TSC2: variants seen among roughly 807,000 people sequenced by gnomAD.
TSC2 encodes tuberin.
A neutral mutation model predicts 202.2 loss-of-function variants in TSC2; 29 were observed. The observed-to-expected ratio is 0.14, with a 90% confidence interval of 0.11 to 0.20. The LOEUF (loss-of-function observed/expected upper bound fraction) is 0.20. Ranked by LOEUF, TSC2 falls within the 10% of genes least tolerant of loss-of-function variation. TSC2 has a pLI of 1.00. For synonymous variants in TSC2, 1,349 were observed against 1,044.0 expected, an observed-to-expected ratio of 1.29 and a Z score of -5.63; for missense variants, 2,429 against 2,420.0, an observed-to-expected ratio of 1.00 and a Z score of -0.08.
At chr16:2,048,840 G>A (rs2084707214) in intron 2 of TSC2, 87 bp downstream of exon 2, 2 of 1,581,292 alleles carry the variant, frequency 1.3e-6, no homozygotes, top group South Asian at 2.2e-5. Flanking sequence ...TGTGGGAGAC[G>A]GGTTGCTGGC....
In TSC2 at chr16:2,054,448, C is replaced by T. The variant is rs758228838; in HGVS notation, c.481+8C>T. On this transcript the variant is annotated splice_region_variant and intron_variant, in intron 5 of 41. Transcript: ENST00000219476. Reference sequence around the variant, plus strand: ...ACTTGGAGGAAGAGCTGGGTGGGTGCCACCTTGGGTTGGAGGTTTCTCTGG... The same window carrying T: ...ACTTGGAGGAAGAGCTGGGTGGGTGTCACCTTGGGTTGGAGGTTTCTCTGG... 1.7e-5 allele frequency: 27 copies of T among 1,613,954 alleles called. No individual in the cohort carries two copies. The highest frequency in any genetic ancestry group is 1.7e-4 in the Middle Eastern group (1 of 6,048).
Position 2,086,219 on chromosome 16 carries a change from C to T in TSC2, c.4689C>T (p.Ser1563=), listed in dbSNP as rs45517363. 5.6e-6 allele frequency: 9 copies of T among 1,612,626 alleles called. No individual in the cohort carries two copies. Among genetic ancestry groups the T allele is most frequent in the Non-Finnish European group, 7.6e-6 (9 of 1,179,960 alleles). Residue 1563 remains serine, a synonymous_variant, in exon 37 of 42, where the codon TCC becomes TCT. Transcript: ENST00000219476. ...GQSNSELAIL[S]NEHGSYRYTE... is the part of the protein sequence containing the mutation. ...GCAACAGCGAGCTCGCCATCCTGTC[C>T]AATGAGCATGGCTCCTACAGGTACA...
intron 17 of TSC2, 54 bp downstream of exon 17, chr16:2,070,632 C>T (rs760416918): frequency 9.1e-5 from 146 of 1,611,360 alleles, no homozygotes; most frequent in Non-Finnish European, 1.1e-4. Flanking sequence ...CAGGTATCCC[C>T]GTCTCGGCAG....
chr16:2,054,781 TTCC>T (rs1041358930), intron 5 of TSC2: 11 of 413,688 alleles, frequency 2.7e-5, no homozygotes, highest in African/African-American at 1.8e-4. Flanking sequence ...TGGTCCCGTC[TTCC>T]TCCTCCTTTC....
intron 10 of TSC2, among the ~76,000 whole-genome samples, chr16:2,060,089 C>T (rs1567420471): frequency 1.3e-5 from 2 of 152,188 alleles, no homozygotes; most frequent in Non-Finnish European, 2.9e-5. Context: ...TTGTCAAGTG[C>T]TGGTCTTGTC....
intron 16 of TSC2, among the ~76,000 whole-genome samples, chr16:2,069,583 C>T (rs2087925407): frequency 6.6e-6 from 1 of 151,968 alleles, no homozygotes; most frequent in Non-Finnish European, 1.5e-5. Flanking sequence ...GGGTTCACGC[C>T]ATTCTCCTGC....
At chr16:2,072,665 G>A (rs996775539) in intron 20 of TSC2, 184 bp from the exon 21 acceptor site, 3 of 979,410 alleles carry the variant, frequency 3.1e-6, no homozygotes, top group East Asian at 2.6e-5. Flanking sequence ...CATTCCTGGT[G>A]TGTTACTTGG....
chr16:2,068,492 C>T (rs1324129495), intron 16 of TSC2: 1 of 152,224 alleles, frequency 6.6e-6, no homozygotes, highest in Non-Finnish European at 1.5e-5. Flanking sequence ...GACTAGAAGC[C>T]TTGCTGATAG....
rs13332222 is a variant in TSC2, at chr16:2,088,421, C to G, written c.5260-25C>G. ...GCGGTTGCCACGCCTCCCAGACTTA[C>G]TGCCCAAGCCGCCTCTGCCTTCAGA... On this transcript the variant is annotated intron_variant, in intron 41 of 41. Coordinates refer to ENST00000219476, the MANE Select transcript of TSC2 (RefSeq NM_000548.5). The G allele has an allele frequency of 0.12, 188,842 of 1,612,392 alleles. 17,989 individuals are homozygous for G. Among genetic ancestry groups the G allele is most frequent in the African/African-American group, 0.5 (37,521 of 74,874 alleles).
rs766608928 is a variant in TSC2 at position 2,086,183 on chromosome 16, C to G, written c.4663-10C>G. 3 of 1,611,824 alleles carry G rather than the reference C, an allele frequency of 1.9e-6. No homozygotes were observed. Among genetic ancestry groups the G allele is most frequent in the East Asian group, 4.5e-5 (2 of 44,874 alleles). On this transcript the variant is annotated splice_polypyrimidine_tract_variant and intron_variant, in intron 36 of 41. Transcript: ENST00000219476. ...AGTGATGCCACCCTGCCTCTCCCCT[C>G]TCCCCACAGAGCAACAGCGAGCTCG...
intron 11 of TSC2, 167 bp downstream of exon 11, chr16:2,060,980 C>T (rs1596299896): frequency 2.2e-6 from 2 of 890,548 alleles, no homozygotes; most frequent in Non-Finnish European, 3.4e-6. Context: ...CCACCGGAGA[C>T]AGGTCTGATT....
intron 20 of TSC2, 128 bp from the exon 21 acceptor site, chr16:2,072,721 G>A: frequency 6.7e-7 from 1 of 1,489,196 alleles, no homozygotes; most frequent in Non-Finnish European, 9.2e-7. Context: ...CTGGGAGGGA[G>A]GCAAGAAGGC....
chr16:2,069,766 C>T (rs1434968123), intron 16 of TSC2, among the ~76,000 whole-genome samples: 1 of 152,186 alleles, frequency 6.6e-6, no homozygotes, highest in Non-Finnish European at 1.5e-5. Flanking sequence ...AGGCGTGAGC[C>T]ACTGTGCCCG....
intron 10 of TSC2, among the ~76,000 whole-genome samples, chr16:2,059,777 C>T (rs943929122): frequency 2.0e-5 from 3 of 152,114 alleles, no homozygotes; most frequent in Non-Finnish European, 4.4e-5. Context: ...CCTCAGCCTC[C>T]CAAAGTGCTG....
intron 16 of TSC2, among the ~76,000 whole-genome samples, chr16:2,067,503 G>A (rs2087556907): frequency 1.3e-5 from 2 of 151,636 alleles, no homozygotes; most frequent in African/African-American, 4.8e-5. Flanking sequence ...GGGTGTGGTG[G>A]CTCATGCCCG....
At chr16:2,061,199 T>G (rs916827879) in intron 11 of TSC2, 3 of 343,268 alleles carry the variant, frequency 8.7e-6, no homozygotes, top group African/African-American at 4.3e-5. Context: ...AACCACAGCT[T>G]TAAGGAGGAC....
rs2089813948 is a variant in TSC2, at chr16:2,079,225, G to A, written c.3131+29G>A. 6.2e-7 allele frequency: 1 copy of A among 1,612,778 alleles called. No homozygotes were observed. Among genetic ancestry groups the A allele is most frequent in the Non-Finnish European group, 8.5e-7 (1 of 1,180,028 alleles). ...CAGGCGGCACTACAGGGCTGGGCGG[G>A]CCTGCGGGAGCTCCACGGGCAAGCT... On this transcript the variant is annotated intron_variant, in intron 27 of 41. Coordinates refer to ENST00000219476, the MANE Select transcript of TSC2 (RefSeq NM_000548.5). This position sits in a 1 kb window ranked among gnomAD's most constrained non-coding sequence, Gnocchi z 4.6.
intron 18 of TSC2, 58 bp downstream of exon 18, chr16:2,071,674 G>A (rs528393792): frequency 6.2e-6 from 10 of 1,607,464 alleles, no homozygotes; most frequent in South Asian, 5.5e-5. Flanking sequence ...CGCTGGGGCT[G>A]TGGTGGCGCT....
At chr16:2,065,412 CAAAAAAAAAA>C (rs369052665) in intron 15 of TSC2, 97 bp from the exon 16 acceptor site, 5 of 426,950 alleles carry the variant, frequency 1.2e-5, no homozygotes, top group Non-Finnish European at 1.7e-5. Context: ...GACTCGATCT[CAAAAAAAAAA>C]AAAAAAAAAA....
Sources: gnomAD v4.1 joint callset for allele counts (sites outside exome capture counted in the v4.1 genomes callset) on GRCh38, gnomAD v4.1.1 for gene constraint, Gnocchi (gnomAD v3.1) non-coding constraint, MANE v1.5 for transcripts, NCBI Gene and HGNC (gene_info 2026-07-23, HGNC 2026-07-21) for gene names.